Variants in PRPF40B observed in about 807,000 individuals in gnomAD.
PRPF40B encodes pre-mRNA processing factor 40B, also known as pre-mRNA-processing factor 40 homolog B.
In PRPF40B, 56 loss-of-function variants were observed where a neutral mutation model predicts 124.5. That is an observed-to-expected ratio of 0.45 (90% CI 0.36 to 0.56). The LOEUF is 0.56. Ranked by LOEUF, PRPF40B falls within the 20% of genes least tolerant of loss-of-function variation. The pLI is 0.00. For missense variants in PRPF40B, 1,053 were observed against 1,169.5 expected (o/e 0.90, Z 1.45); for synonymous variants, 443 against 426.4 (o/e 1.04, Z -0.48).
At chr12:49,627,541 G>A (rs1377631480) in intron 1 of PRPF40B, among the ~76,000 whole-genome samples, 1 of 152,162 alleles carries the variant, frequency 6.6e-6, no homozygotes, top group Non-Finnish European at 1.5e-5. Flanking sequence ...TGAGGTGGGA[G>A]AGCTGAGAGA....
At chr12:49,623,416 G>A, upstream of PRPF40B, 1 of 471,938 alleles carries the variant, frequency 2.1e-6, no homozygotes, top group Non-Finnish European at 3.2e-6. Context: ...GCGGGGCCGG[G>A]ACCGAACACA....
Position 49,630,593 on chromosome 12 carries a change from C to A in PRPF40B, c.52C>A (p.Pro18Thr). Residue 18 changes from proline to threonine, a missense_variant, in exon 2 of 26, where the codon CCA (proline) becomes ACA (threonine). Around this residue, in one of 2 missense-constraint regions of PRPF40B, gnomAD observed 158 missense variants for 117.3 expected, o/e 1.35. Coordinates refer to ENST00000548825, the MANE Select transcript of PRPF40B (RefSeq NM_001031698.3). ...GCCCCCAGCAGCGCCTGCCCCCTTC[C>A]CACCGGGGCCCCCCATGATGCCACC... ...PRPPAAPAPF[P>T]PGPPMMPPPF... 1 of 1,369,288 alleles carries A rather than the reference C, an allele frequency of 7.3e-7. No homozygotes were observed. The highest frequency in any genetic ancestry group is 1.0e-6 in the Non-Finnish European group (1 of 959,608). 84.8% of individuals were successfully genotyped at this position (1,369,288 alleles called of 1,614,324 possible). A position where few individuals can be genotyped will look rare whatever the true frequency, so the allele number is the denominator to read the frequency against.
rs1902328 is a variant in PRPF40B, at chr12:49,632,587, C to T, written c.295-9C>T. 4 of 1,613,554 alleles carry T rather than the reference C, an allele frequency of 2.5e-6. No homozygotes were observed. Among genetic ancestry groups the T allele is most frequent in the African/African-American group, 1.3e-5 (1 of 74,926 alleles). On this transcript the variant is annotated splice_polypyrimidine_tract_variant and intron_variant, in intron 4 of 25. Coordinates refer to ENST00000548825, the MANE Select transcript of PRPF40B (RefSeq NM_001031698.3). ...GCCCCAACCCTTCCCCCTCCTCTTT[C>T]TTCGGCAGACGGCTCCGGGTGCGGA...
chr12:49,628,442 G>C (rs1422570423), intron 1 of PRPF40B, among the ~76,000 whole-genome samples: 1 of 152,012 alleles, frequency 6.6e-6, no homozygotes, highest in Non-Finnish European at 1.5e-5. Context: ...TGTATTTTTA[G>C]TAGAGGTTTC....
chr12:49,637,021 A>C, intron 16 of PRPF40B, 172 bp downstream of exon 16: 1 of 973,678 alleles, frequency 1.0e-6, no homozygotes, highest in Non-Finnish European at 1.5e-6. Context: ...TACCTCCTCA[A>C]TTCTGGACTG....
At chr12:49,625,506 T>G (rs1940624359) in intron 1 of PRPF40B, among the ~76,000 whole-genome samples, 1 of 152,192 alleles carries the variant, frequency 6.6e-6, no homozygotes, top group South Asian at 2.1e-4. Context: ...CTCTTTCTGT[T>G]TTTTTTCCTA....
intron 1 of PRPF40B, among the ~76,000 whole-genome samples, chr12:49,625,662 T>C (rs79850389): frequency 2.6e-5 from 4 of 152,294 alleles, no homozygotes; most frequent in East Asian, 1.9e-4. Context: ...GGTGAACATA[T>C]GATGATCAGA....
chr12:49,636,130 C>G lies in PRPF40B; in HGVS notation c.1426+137C>G, dbSNP rs565468066. 30 of 1,098,116 alleles carry G rather than the reference C, an allele frequency of 2.7e-5. No individual in the cohort carries two copies. In the South Asian group the frequency reaches 4.2e-4, roughly 15 times the overall value. 68.0% of individuals were successfully genotyped at this position (1,098,116 alleles called of 1,614,324 possible). ...TAGGAGTACTCAACACTCACCCAGT[C>G]CTTGTACCTCTTTGGACTCCGGGGA... On this transcript the variant is annotated intron_variant, in intron 15 of 25. Coordinates refer to ENST00000548825, the MANE Select transcript of PRPF40B (RefSeq NM_001031698.3).
At position 49,624,157 on chromosome 12, in the gene PRPF40B, C is replaced by T. The variant is rs1940481398; in HGVS notation, c.3+564C>T. 5.1e-6 allele frequency: 5 copies of T among 985,560 alleles called. No homozygotes were observed. In the South Asian group the frequency reaches 1.4e-4, roughly 28 times the overall value. 61.1% of individuals were successfully genotyped at this position (985,560 alleles called of 1,614,324 possible). ...CCAGGCCATCAACAAACTAACGACT[C>T]TGTGTGACCTTGGGCAAGTCACTAC... On this transcript the variant is annotated intron_variant, in intron 1 of 25. Coordinates refer to ENST00000548825, the MANE Select transcript of PRPF40B (RefSeq NM_001031698.3).
chr12:49,641,996 C>A lies in PRPF40B; in HGVS notation c.1856C>A (p.Ala619Glu). The A allele has an allele frequency of 6.2e-7, 1 of 1,613,456 alleles. No homozygotes were observed. Among genetic ancestry groups the A allele is most frequent in the Non-Finnish European group, 8.5e-7 (1 of 1,180,038 alleles). Residue 619 changes from alanine to glutamate, a missense_variant, in exon 19 of 26, where the codon GCA (alanine) becomes GAA (glutamate). Ala to Glu is a moderately radical substitution (Grantham distance 107). Around this residue, in one of 2 missense-constraint regions of PRPF40B, gnomAD observed 895 missense variants for 1,052.2 expected, o/e 0.85. Transcript: ENST00000548825. ...SFDKRAAALDAGNIKLTFNSL... is the reference protein window; with the variant it reads ...SFDKRAAALDEGNIKLTFNSL... ...GACAAGAGGGCTGCCGCACTGGACG[C>A]AGGCAACATCAAGCTGACCTTCAAT...
Position 49,633,070 on chromosome 12 carries a change from T to C in PRPF40B, c.405T>C (p.Ala135=). 6.8e-7 allele frequency: 1 copy of C among 1,474,026 alleles called. No homozygotes were observed. Among genetic ancestry groups the C allele is most frequent in the Non-Finnish European group, 9.1e-7 (1 of 1,099,242 alleles). 91.3% of individuals were successfully genotyped at this position (1,474,026 alleles called of 1,614,324 possible). A position where few individuals can be genotyped will look rare whatever the true frequency, so the allele number is the denominator to read the frequency against. Residue 135 remains alanine, a synonymous_variant, in exon 7 of 26, where the codon GCT becomes GCC. Coordinates refer to ENST00000548825, the MANE Select transcript of PRPF40B (RefSeq NM_001031698.3). ...APDGRIYYYN[A]DDKQSVWEKP... ...ATGGGCGCATCTACTACTACAATGCTGACGACAAGCAGTCCGTGTGGGAGA... is the reference window on the plus strand; with the variant it reads ...ATGGGCGCATCTACTACTACAATGCCGACGACAAGCAGTCCGTGTGGGAGA...
In PRPF40B at chr12:49,642,476, A is replaced by G; in HGVS notation, c.2022+104A>G. ...CACGTCACAGCCCTGGGCCAGCTCCAGTTCCCTTCCTTTCTCTGCCCCAGC... is the reference window on the plus strand; with the variant it reads ...CACGTCACAGCCCTGGGCCAGCTCCGGTTCCCTTCCTTTCTCTGCCCCAGC... On this transcript the variant is annotated intron_variant, in intron 20 of 25. Transcript: ENST00000548825. The surrounding 1 kb of genome is among the most constrained non-coding windows in gnomAD (Gnocchi z 5.8). 2 of 1,574,944 alleles carry G rather than the reference A, an allele frequency of 1.3e-6. No homozygotes were observed. The highest frequency in any genetic ancestry group is 1.7e-6 in the Non-Finnish European group (2 of 1,147,348).
upstream of PRPF40B, among the ~76,000 whole-genome samples, chr12:49,623,185 T>C (rs1031237505): frequency 2.6e-5 from 4 of 151,998 alleles, no homozygotes; most frequent in African/African-American, 9.7e-5. Flanking sequence ...CACAGCAAAT[T>C]AAATTCGCTG....
At chr12:49,629,968 G>A (rs563808416) in intron 1 of PRPF40B, among the ~76,000 whole-genome samples, 8 of 152,344 alleles carry the variant, frequency 5.3e-5, no homozygotes, top group Middle Eastern at 3.4e-3. Context: ...AGATGTCAAA[G>A]AAAGTAGGTG....
In PRPF40B at chr12:49,642,171, G is replaced by A. The variant is rs1942760511; in HGVS notation, c.1885-64G>A. On this transcript the variant is annotated intron_variant, in intron 19 of 25. Coordinates refer to ENST00000548825, the MANE Select transcript of PRPF40B (RefSeq NM_001031698.3). This position sits in a 1 kb window ranked among gnomAD's most constrained non-coding sequence, Gnocchi z 5.8. ...CCTAACTTTCCACCTCCTAAGGTAT[G>A]CCTGAGTGGGACCTGGCATCCACCC... 8 of 1,613,018 alleles carry A rather than the reference G, an allele frequency of 5.0e-6. No individual in the cohort carries two copies. The South Asian group carries it at 8.8e-5, about 18-fold the overall frequency.
Position 49,643,921 on chromosome 12 carries a change from G to C in PRPF40B, c.2503G>C (p.Glu835Gln). The C allele has an allele frequency of 6.2e-7, 1 of 1,614,222 alleles. No homozygotes were observed. Among genetic ancestry groups the C allele is most frequent in the South Asian group, 1.1e-5 (1 of 91,082 alleles). Residue 835 changes from glutamate (E) to glutamine (Q), a missense_variant, in exon 25 of 26, where the codon GAA (glutamate) becomes CAA (glutamine). Coordinates refer to ENST00000548825, the MANE Select transcript of PRPF40B (RefSeq NM_001031698.3). ...AGCTGGCAAGGAGAGCGATGAGAAA[G>C]AACAAGAACAGGACAAGGACAGGGA... is the stretch of plus-strand genomic sequence containing the variant. The part of the protein sequence containing the change: ...EKAGKESDEK[E>Q]QEQDKDRELQ...
Position 49,642,344 on chromosome 12 carries a change from C to G in PRPF40B, c.1994C>G (p.Ala665Gly). ...FRSMLRQAVP[A>G]LELGTAWEEV... ...AGCATGCTGAGGCAGGCTGTGCCTG[C>G]TCTGGAGCTAGGCACTGCCTGGGAA... The change falls in exon 20 of 26, where the codon GCT (alanine) becomes GGT (glycine). Residue 665 changes from alanine to glycine, a missense_variant. By Grantham distance (60) the Ala-to-Gly change is moderately conservative (BLOSUM62 0). Around this residue, in one of 2 missense-constraint regions of PRPF40B, gnomAD observed 895 missense variants for 1,052.2 expected, o/e 0.85. Coordinates refer to ENST00000548825, the MANE Select transcript of PRPF40B (RefSeq NM_001031698.3). The surrounding 1 kb of genome is among the most constrained non-coding windows in gnomAD (Gnocchi z 5.8). The G allele has an allele frequency of 6.2e-7, 1 of 1,613,948 alleles. No homozygotes were observed. The highest frequency in any genetic ancestry group is 8.5e-7 in the Non-Finnish European group (1 of 1,180,018).
At chr12:49,626,853 C>T (rs1256849436) in intron 1 of PRPF40B, among the ~76,000 whole-genome samples, 1 of 152,052 alleles carries the variant, frequency 6.6e-6, no homozygotes, top group Non-Finnish European at 1.5e-5. Context: ...CAGATTGGAT[C>T]CAGTCCCAGT....
chr12:49,628,795 T>C (rs1404762662), intron 1 of PRPF40B, among the ~76,000 whole-genome samples: 1 of 152,094 alleles, frequency 6.6e-6, no homozygotes, highest in Non-Finnish European at 1.5e-5. Context: ...CTCGATCTCC[T>C]GACCTCATGA....
Sources: gnomAD v4.1 joint callset for allele counts (sites outside exome capture counted in the v4.1 genomes callset) on GRCh38, gnomAD v4.1.1 for gene constraint, gnomAD v4.1.1 regional missense constraint, Gnocchi (gnomAD v3.1) non-coding constraint, MANE v1.5 for transcripts, NCBI Gene and HGNC (gene_info 2026-07-23, HGNC 2026-07-21) for gene names.